Variants in FMN2 observed in about 807,000 individuals in gnomAD.
FMN2 encodes formin 2, also known as formin-2.
FMN2 carries 51 observed loss-of-function variants against 142.3 expected under a neutral mutation model. That is an observed-to-expected ratio of 0.36 (90% CI 0.29 to 0.45). The LOEUF is 0.45. Ranked by LOEUF, FMN2 falls within the 20% of genes least tolerant of loss-of-function variation. The pLI, the probability that FMN2 is intolerant of heterozygous loss-of-function variation, is 1.00. For missense variants in FMN2, 1,936 were observed against 2,122.8 expected (o/e 0.91, Z 1.73); for synonymous variants, 882 against 869.8 (o/e 1.01, Z -0.25).
chr1:240,221,538 A>AC (rs1365446890), intron 6 of FMN2, among the ~76,000 whole-genome samples: 1 of 151,990 alleles, frequency 6.6e-6, no homozygotes, highest in African/African-American at 2.4e-5. Flanking sequence ...GTCTGTTCAT[A>AC]TCCTTTGCCC....
intron 2 of FMN2, chr1:240,144,234 T>C: frequency 1.3e-6 from 2 of 1,569,252 alleles, no homozygotes; most frequent in Non-Finnish European, 1.8e-6. Flanking sequence ...AAAGCTGCAT[T>C]CACAAAGCCA....
At chr1:240,354,304 G>A (rs138964700) in intron 13 of FMN2, among the ~76,000 whole-genome samples, 21 of 152,196 alleles carry the variant, frequency 1.4e-4, no homozygotes, top group African/African-American at 5.1e-4. Flanking sequence ...GAAGAATGGA[G>A]GCAAAAACAA....
chr1:240,185,086 C>T (rs1343852132), intron 3 of FMN2, among the ~76,000 whole-genome samples: 14 of 141,064 alleles, frequency 9.9e-5, no homozygotes, highest in African/African-American at 4.0e-4. Context: ...CCCTCCTATA[C>T]CTTCCCCCTT....
At position 240,310,095 on chromosome 1, in the gene FMN2, T is replaced by A. The variant is rs140260492; in HGVS notation, c.4215+15212T>A. Among the ~76,000 whole-genome samples, 751 of 152,306 alleles carry A rather than the reference T, an allele frequency of 4.9e-3. 7 individuals carry two copies. Among genetic ancestry groups the A allele is most frequent in the African/African-American group, 0.017 (706 of 41,576 alleles). On this transcript the variant is annotated intron_variant, in intron 8 of 17. Transcript: ENST00000319653. The stretch of plus-strand genomic sequence containing the variant: ...AATAGTCTTAATTTTGCCTTAATAG[T>A]TTAATAATAACATTTGAGGGTACAT...
intron 8 of FMN2, among the ~76,000 whole-genome samples, chr1:240,323,314 A>G (rs1671046062): frequency 6.6e-6 from 1 of 151,298 alleles, no homozygotes; most frequent in Admixed American, 6.6e-5. Flanking sequence ...TGTGCCTCAG[A>G]CTCCCGAGTA....
intron 7 of FMN2, among the ~76,000 whole-genome samples, chr1:240,266,661 T>C (rs1668818422): frequency 6.6e-6 from 1 of 152,126 alleles, no homozygotes; most frequent in South Asian, 2.1e-4. Context: ...TGTATAGTGC[T>C]GTGATGAACA....
chr1:240,382,860 T>G (rs1025038143), intron 14 of FMN2, among the ~76,000 whole-genome samples: 2 of 151,972 alleles, frequency 1.3e-5, no homozygotes, highest in Non-Finnish European at 2.9e-5. Flanking sequence ...AGCTTCAAAT[T>G]GTACCACAAG....
intron 1 of FMN2, among the ~76,000 whole-genome samples, chr1:240,113,861 A>G (rs1297395655): frequency 6.6e-6 from 1 of 152,180 alleles, no homozygotes; most frequent in Non-Finnish European, 1.5e-5. Flanking sequence ...CTCTTTAATA[A>G]ACTGTGTTCG....
At chr1:240,174,141 G>A (rs1460875677) in intron 2 of FMN2, among the ~76,000 whole-genome samples, 2 of 152,124 alleles carry the variant, frequency 1.3e-5, no homozygotes, top group African/African-American at 2.4e-5. Flanking sequence ...ATGAGGAACC[G>A]AAGCTCAGGC....
chr1:240,278,399 T>TA (rs1336494995), intron 7 of FMN2, among the ~76,000 whole-genome samples: 1 of 152,174 alleles, frequency 6.6e-6, no homozygotes. Context: ...AGTGTTGAAA[T>TA]ACGATGAAGT....
chr1:240,303,880 A>G (rs1670288086), intron 8 of FMN2, among the ~76,000 whole-genome samples: 2 of 151,952 alleles, frequency 1.3e-5, no homozygotes, highest in South Asian at 2.1e-4. Flanking sequence ...TTTAGAGTTG[A>G]TACTTTCTGA....
At chr1:240,434,526 GTT>G (rs34529154) in intron 15 of FMN2, among the ~76,000 whole-genome samples, 2 of 150,404 alleles carry the variant, frequency 1.3e-5, no homozygotes, top group Non-Finnish European at 3.0e-5. Flanking sequence ...TTATTTGCTT[GTT>G]TTTTTTTGTT....
At chr1:240,442,745 C>A (rs113314267) in intron 16 of FMN2, among the ~76,000 whole-genome samples, 13 of 152,298 alleles carry the variant, frequency 8.5e-5, no homozygotes, top group African/African-American at 2.9e-4. Flanking sequence ...CTTGCTTCAT[C>A]CTGATGACGC....
chr1:240,097,026 GC>G (rs1661222927), intron 1 of FMN2, among the ~76,000 whole-genome samples: 1 of 152,200 alleles, frequency 6.6e-6, no homozygotes, highest in African/African-American at 2.4e-5. Flanking sequence ...TATAACAGAA[GC>G]TTGGTACTGG....
rs376076479 is a variant in FMN2 at position 240,474,190 on chromosome 1, C to A, written c.*36C>A. 5.9e-6 allele frequency: 9 copies of A among 1,528,978 alleles called. No individual in the cohort carries two copies. Among genetic ancestry groups the A allele is most frequent in the African/African-American group, 2.9e-5 (2 of 69,426 alleles). 94.7% of individuals were successfully genotyped at this position (1,528,978 alleles called of 1,614,324 possible). ...GCAGAATGAAAATGAGTCATTGCAA[C>A]GACTTTCACAAAATTCAGCTGACCT... On this transcript the variant is annotated 3_prime_UTR_variant, in exon 18 of 18. Transcript: ENST00000319653.
chr1:240,278,945 C>A (rs1204164530), intron 7 of FMN2, among the ~76,000 whole-genome samples: 1 of 152,110 alleles, frequency 6.6e-6, no homozygotes, highest in East Asian at 1.9e-4. Context: ...GAGAAAGTTC[C>A]TAAATTTTAG....
intron 8 of FMN2, among the ~76,000 whole-genome samples, chr1:240,317,207 T>A (rs1274447085): frequency 1.3e-5 from 2 of 151,850 alleles, no homozygotes; most frequent in African/African-American, 4.8e-5. Context: ...TCCTAGCTGC[T>A]CAGGAGGCTA....
chr1:240,145,359 A>G (rs1663400617), intron 2 of FMN2: 1 of 693,646 alleles, frequency 1.4e-6, no homozygotes, highest in South Asian at 2.4e-5. Context: ...GTCTTGTCCC[A>G]TCCTCCCTCC....
At chr1:240,197,509 A>ACTGAGCCCTCAACCTGTGGGAC (rs1349342229) in intron 4 of FMN2, among the ~76,000 whole-genome samples, 2 of 152,154 alleles carry the variant, frequency 1.3e-5, no homozygotes, top group South Asian at 4.2e-4. Context: ...AGTTTTGAGG[A>ACTGAGCCCTCAACCTGTGGGAC]CTGAGCCCTC....
Sources: allele counts gnomAD v4.1 joint callset (sites outside exome capture counted in the v4.1 genomes callset), GRCh38; gene constraint gnomAD v4.1.1; transcripts MANE v1.5; gene names NCBI Gene and HGNC (gene_info 2026-07-23, HGNC 2026-07-21).